Variants in MRAP2 observed in about 807,000 individuals in gnomAD.
MRAP2 encodes melanocortin 2 receptor accessory protein 2, also known as melanocortin-2 receptor accessory protein 2.
In MRAP2, 20 loss-of-function variants were observed where a neutral mutation model predicts 17.4. That is an observed-to-expected ratio of 1.15 (90% CI 0.81 to 1.67). The LOEUF is 1.67. Ranked by LOEUF, MRAP2 falls within the 40% of genes most tolerant of loss-of-function variation. MRAP2 has a pLI of 0.00. For synonymous variants in MRAP2, 96 were observed against 88.4 expected, an observed-to-expected ratio of 1.09 and a Z score of -0.48; for missense variants, 238 against 240.0, an observed-to-expected ratio of 0.99 and a Z score of 0.05.
intron 3 of MRAP2, among the ~76,000 whole-genome samples, chr6:84,076,531 T>C (rs996357233): frequency 1.3e-5 from 2 of 152,096 alleles, no homozygotes; most frequent in African/African-American, 4.8e-5. Flanking sequence ...GCCTAATTTT[T>C]GTATTTTTAG....
the MRAP2 span, among the ~76,000 whole-genome samples, chr6:84,112,067 T>A: frequency 6.3e-3 from 953 of 152,308 alleles, 4 homozygotes; most frequent in African/African-American, 0.022. Flanking sequence ...AAATTTTCTT[T>A]TTTTGCTGTG....
chr6:84,039,309 C>T (rs1005190601), intron 1 of MRAP2, among the ~76,000 whole-genome samples: 11 of 152,160 alleles, frequency 7.2e-5, no homozygotes, highest in Non-Finnish European at 1.5e-4. Context: ...AAAATTATTT[C>T]TTTAAGGGAA....
At chr6:84,127,343 G>C in the MRAP2 span, among the ~76,000 whole-genome samples, 1 of 151,894 alleles carries the variant, frequency 6.6e-6, no homozygotes, top group South Asian at 2.1e-4. Context: ...AAAAATCCCA[G>C]TATCTTACCT....
At chr6:84,111,111 T>A in the MRAP2 span, among the ~76,000 whole-genome samples, 3 of 152,234 alleles carry the variant, frequency 2.0e-5, no homozygotes, top group Non-Finnish European at 4.4e-5. Context: ...CTATGAAATT[T>A]AAAGTATTTT....
At chr6:84,084,335 TCAGA>T (rs1479690573) in intron 3 of MRAP2, among the ~76,000 whole-genome samples, 1 of 152,214 alleles carries the variant, frequency 6.6e-6, no homozygotes, top group Non-Finnish European at 1.5e-5. Flanking sequence ...AATTTTTATG[TCAGA>T]CAAAGATATA....
At chr6:84,044,193 TTTC>T (rs2099488383) in intron 1 of MRAP2, among the ~76,000 whole-genome samples, 2 of 152,278 alleles carry the variant, frequency 1.3e-5, no homozygotes, top group South Asian at 4.2e-4. Flanking sequence ...TATTTTCTGT[TTTC>T]TTTTTTTGAG....
At chr6:84,108,774 C>T in the MRAP2 span, among the ~76,000 whole-genome samples, 2 of 152,136 alleles carry the variant, frequency 1.3e-5, no homozygotes, top group African/African-American at 4.8e-5. Flanking sequence ...AATGGTATCG[C>T]CTAGGTTTTC....
chr6:84,137,050 G>A, the MRAP2 span, among the ~76,000 whole-genome samples: 13 of 152,168 alleles, frequency 8.5e-5, no homozygotes, highest in Non-Finnish European at 1.8e-4. Flanking sequence ...AAGAGATATC[G>A]GTTCTTGTGG....
chr6:84,083,021 C>T (rs1401322812), intron 3 of MRAP2, among the ~76,000 whole-genome samples: 1 of 152,026 alleles, frequency 6.6e-6, no homozygotes. Flanking sequence ...TCTAACCAAC[C>T]GAGATTAATT....
At chr6:84,034,665 G>C (rs1176956081) in intron 1 of MRAP2, among the ~76,000 whole-genome samples, 2 of 151,996 alleles carry the variant, frequency 1.3e-5, no homozygotes, top group Non-Finnish European at 2.9e-5. Context: ...CATTTAGTTT[G>C]ACAACAGTGA....
Position 84,055,293 on chromosome 6 carries a change from A to T in MRAP2, c.-7-19A>T, listed in dbSNP as rs756376428. ...GATGAATTAACAGGTTCTGCGCTTG[A>T]CTTTCTCCATTTGTGCAGGTCGGAG... On this transcript the variant is annotated intron_variant, in intron 1 of 3. Transcript: ENST00000257776. 1 of 1,599,448 alleles carries T rather than the reference A, an allele frequency of 6.3e-7. No homozygotes were observed. The highest frequency in any genetic ancestry group is 1.1e-5 in the South Asian group (1 of 87,950).
At chr6:84,097,969 A>C in the MRAP2 span, among the ~76,000 whole-genome samples, 1 of 152,200 alleles carries the variant, frequency 6.6e-6, no homozygotes, top group African/African-American at 2.4e-5. Flanking sequence ...TTTGAGATAT[A>C]ATTGACAAAA....
chr6:84,062,763 A>C, intron 2 of MRAP2, 130 bp from the exon 3 acceptor site: 1 of 1,488,602 alleles, frequency 6.7e-7, no homozygotes, highest in African/African-American at 1.4e-5. Context: ...GTCTCCAGCC[A>C]ACTGCGGATC....
At chr6:84,035,302 G>A in intron 1 of MRAP2, 5 of 429,916 alleles carry the variant, frequency 1.2e-5, no homozygotes, top group Non-Finnish European at 1.6e-5. Context: ...TTTTAAAAGA[G>A]GGAAACATTG....
At chr6:84,094,294 C>T (rs149325370), downstream of MRAP2, among the ~76,000 whole-genome samples, 67 of 152,296 alleles carry the variant, frequency 4.4e-4, no homozygotes, top group African/African-American at 1.4e-3. Flanking sequence ...GCATGCTTTC[C>T]TGATGATGAA....
At chr6:84,035,734 A>G (rs1365129745) in intron 1 of MRAP2, among the ~76,000 whole-genome samples, 4 of 152,080 alleles carry the variant, frequency 2.6e-5, no homozygotes, top group South Asian at 2.1e-4. Context: ...AGTGGGGGTC[A>G]TCTTCTTTTA....
the MRAP2 span, among the ~76,000 whole-genome samples, chr6:84,140,991 A>C: frequency 3.3e-5 from 5 of 152,154 alleles, no homozygotes; most frequent in African/African-American, 1.2e-4. Flanking sequence ...TCTCTTATAT[A>C]AGCCCACAAC....
At chr6:84,123,690 C>G in the MRAP2 span, among the ~76,000 whole-genome samples, 2 of 151,918 alleles carry the variant, frequency 1.3e-5, no homozygotes, top group Admixed American at 1.3e-4. Context: ...AATGAAGACC[C>G]TAAAAGCAAA....
chr6:84,123,827 A>T, the MRAP2 span, among the ~76,000 whole-genome samples: 1 of 152,156 alleles, frequency 6.6e-6, no homozygotes, highest in Admixed American at 6.6e-5. Flanking sequence ...TTTCTCTGAG[A>T]TAGGACTAAT....
Sources: gnomAD v4.1 joint callset for allele counts (sites outside exome capture counted in the v4.1 genomes callset) on GRCh38, gnomAD v4.1.1 for gene constraint, MANE v1.5 for transcripts, NCBI Gene and HGNC (gene_info 2026-07-23, HGNC 2026-07-21) for gene names.